The following TRHDE variants were observed in gnomAD, a reference collection of about 807,000 sequenced individuals.
The protein encoded by TRHDE is thyrotropin releasing hormone degrading enzyme, also known as thyrotropin-releasing hormone-degrading ectoenzyme.
In TRHDE, 72 loss-of-function variants were observed where a neutral mutation model predicts 125.7. That is an observed-to-expected ratio of 0.57 (90% CI 0.47 to 0.70). The LOEUF (loss-of-function observed/expected upper bound fraction) is 0.70. Among genes scored for constraint, TRHDE ranks in the 30% least tolerant of loss-of-function variants. The pLI is 0.00. For missense variants in TRHDE, 1,110 were observed against 1,327.1 expected (o/e 0.84, Z 2.54); for synonymous variants, 509 against 509.1 (o/e 1.00, Z 0.00).
At chr12:72,283,943 A>G (rs1427398493) in intron 1 of TRHDE, among the ~76,000 whole-genome samples, 1 of 146,962 alleles carries the variant, frequency 6.8e-6, no homozygotes, top group Admixed American at 6.9e-5. Context: ...TTTCAATTAG[A>G]CTGCAAAGGC....
intron 10 of TRHDE, among the ~76,000 whole-genome samples, chr12:72,574,803 G>A (rs987258982): frequency 6.6e-6 from 1 of 152,042 alleles, no homozygotes; most frequent in African/African-American, 2.4e-5. Context: ...ACAAGAAAAA[G>A]GCAAACAACA....
chr12:72,663,867 CATATGT>C lies in TRHDE; in HGVS notation c.*680_*685del, dbSNP rs1256675585. The C allele has an allele frequency of 1.3e-5, 2 of 151,972 alleles. No individual in the cohort carries two copies. Among genetic ancestry groups the C allele is most frequent in the African/African-American group, 4.8e-5 (2 of 41,366 alleles). 9.4% of individuals were successfully genotyped at this position (151,972 alleles called of 1,614,324 possible). ...TTAAAAGGCATATAGATAGTGTATG[CATATGT>C]ATATGTACATAGGGAAGCCCCATAT... On this transcript the variant is annotated 3_prime_UTR_variant, in exon 19 of 19. Coordinates refer to ENST00000261180, the MANE Select transcript of TRHDE (RefSeq NM_013381.3).
chr12:72,530,063 G>A (rs954070739), intron 6 of TRHDE, among the ~76,000 whole-genome samples: 3 of 152,044 alleles, frequency 2.0e-5, no homozygotes, highest in Non-Finnish European at 4.4e-5. Flanking sequence ...ACGTTGAGCT[G>A]TTTCTTGTCT....
intron 12 of TRHDE, among the ~76,000 whole-genome samples, chr12:72,577,181 G>C (rs1404703618): frequency 6.6e-6 from 1 of 152,186 alleles, no homozygotes; most frequent in Non-Finnish European, 1.5e-5. Context: ...GAAAAAGAGA[G>C]AGTGAGGTGT....
In TRHDE at chr12:72,542,277, A is replaced by G. The variant is rs1869190024; in HGVS notation, c.1723-14A>G. On this transcript the variant is annotated splice_polypyrimidine_tract_variant and intron_variant, in intron 6 of 18. Coordinates refer to ENST00000261180, the MANE Select transcript of TRHDE (RefSeq NM_013381.3). ...TTGTTGAAATTCTGTTCTTTTTATT[A>G]TTCTTTCCTATAGGGTGCTGCTTTA... The G allele has an allele frequency of 1.3e-6, 2 of 1,576,140 alleles. No homozygotes were observed. Among genetic ancestry groups the G allele is most frequent in the African/African-American group, 2.7e-5 (2 of 73,786 alleles).
intron 15 of TRHDE, among the ~76,000 whole-genome samples, chr12:72,644,669 T>C (rs920742768): frequency 1.3e-5 from 2 of 152,234 alleles, no homozygotes; most frequent in East Asian, 3.9e-4. Flanking sequence ...ATAAGTGTCA[T>C]AGATCTTTTC....
chr12:72,330,747 A>C (rs1869555915), intron 2 of TRHDE, among the ~76,000 whole-genome samples: 1 of 152,200 alleles, frequency 6.6e-6, no homozygotes, highest in Non-Finnish European at 1.5e-5. Context: ...CCTATTAAAA[A>C]TAATAGGAGA....
chr12:72,653,537 C>T (rs951962222), intron 17 of TRHDE, among the ~76,000 whole-genome samples: 6 of 151,768 alleles, frequency 4.0e-5, no homozygotes, highest in Admixed American at 2.6e-4. Context: ...TAATTACTTC[C>T]GTATAATTGT....
chr12:72,342,738 T>C (rs1255211381), intron 2 of TRHDE, among the ~76,000 whole-genome samples: 2 of 152,104 alleles, frequency 1.3e-5, no homozygotes, highest in African/African-American at 2.4e-5. Context: ...ATTCATTGAT[T>C]TTCTTTCTTC....
At chr12:72,221,316 T>C (rs1486262697) in intron 2 of TRHDE, among the ~76,000 whole-genome samples, 1 of 152,014 alleles carries the variant, frequency 6.6e-6, no homozygotes, top group Admixed American at 6.6e-5. Context: ...AGAATCAAAC[T>C]CAAGAGTTAT....
intron 6 of TRHDE, among the ~76,000 whole-genome samples, chr12:72,523,075 C>A (rs1178472864): frequency 6.6e-6 from 1 of 151,916 alleles, no homozygotes; most frequent in East Asian, 1.9e-4. Flanking sequence ...TTATCAGTGA[C>A]CCTGTTGTAG....
chr12:72,188,804 A>G (rs1877280860), intron 2 of TRHDE, among the ~76,000 whole-genome samples: 1 of 152,234 alleles, frequency 6.6e-6, no homozygotes, highest in African/African-American at 2.4e-5. Flanking sequence ...GCCTATGGCT[A>G]ACCTTTGCCT....
intron 6 of TRHDE, among the ~76,000 whole-genome samples, chr12:72,533,763 T>A (rs1868703397): frequency 6.6e-6 from 1 of 151,414 alleles, no homozygotes; most frequent in Admixed American, 6.6e-5. Flanking sequence ...TCCTTCTATG[T>A]ACATTCATTT....
At chr12:72,340,711 G>A (rs186472749) in intron 2 of TRHDE, among the ~76,000 whole-genome samples, 1 of 152,174 alleles carries the variant, frequency 6.6e-6, no homozygotes, top group African/African-American at 2.4e-5. Flanking sequence ...AGAGGAAAGG[G>A]AGAAAAAGGC....
chr12:72,430,013 A>G (rs1390240659), intron 3 of TRHDE, among the ~76,000 whole-genome samples: 1 of 151,584 alleles, frequency 6.6e-6, no homozygotes, highest in Non-Finnish European at 1.5e-5. Context: ...TTTAATTTTG[A>G]TGAAATATGA....
chr12:72,636,188 G>T (rs1225401817), intron 15 of TRHDE, among the ~76,000 whole-genome samples: 3 of 152,190 alleles, frequency 2.0e-5, no homozygotes, highest in Non-Finnish European at 4.4e-5. Context: ...TTGAGCAGTG[G>T]TTTGTAGTTC....
rs1874995133 is a variant in TRHDE, at chr12:72,663,357, AT to A, written c.*168del. On this transcript the variant is annotated 3_prime_UTR_variant, in exon 19 of 19. Transcript: ENST00000261180. ...TTTTTATTTTTTGGTTTTGGGGGAT[AT>A]TTTTTATTTGTTTCATTCATTCTGT... is the stretch of plus-strand genomic sequence containing the variant. 4 of 514,690 alleles carry A rather than the reference AT, an allele frequency of 7.8e-6. No individual in the cohort carries two copies. The highest frequency in any genetic ancestry group is 6.5e-5 in the East Asian group (2 of 30,548). 31.9% of individuals were successfully genotyped at this position (514,690 alleles called of 1,614,324 possible). A position where few individuals can be genotyped will look rare whatever the true frequency, so the allele number is the denominator to read the frequency against.
At chr12:72,578,052 C>T (rs1411589584) in intron 12 of TRHDE, among the ~76,000 whole-genome samples, 1 of 152,094 alleles carries the variant, frequency 6.6e-6, no homozygotes, top group Non-Finnish European at 1.5e-5. Context: ...CATAGTTTTG[C>T]TGTTCAGTCT....
chr12:72,527,339 T>G (rs1868353037), intron 6 of TRHDE, among the ~76,000 whole-genome samples: 1 of 152,190 alleles, frequency 6.6e-6, no homozygotes, highest in Non-Finnish European at 1.5e-5. Flanking sequence ...AGTTTTAATT[T>G]TGACATGAAT....
Sources: allele counts gnomAD v4.1 joint callset (sites outside exome capture counted in the v4.1 genomes callset), GRCh38; gene constraint gnomAD v4.1.1; transcripts MANE v1.5; gene names NCBI Gene and HGNC (gene_info 2026-07-23, HGNC 2026-07-21).